FMNL2: variants seen among roughly 807,000 people sequenced by gnomAD.
The protein encoded by FMNL2 is formin-like protein 2.
In FMNL2, 51 loss-of-function variants were observed where a neutral mutation model predicts 130.2. That is an observed-to-expected ratio of 0.39 (90% CI 0.31 to 0.49). The LOEUF (loss-of-function observed/expected upper bound fraction) is 0.49. Ranked by LOEUF, FMNL2 falls within the 20% of genes least tolerant of loss-of-function variation. FMNL2 has a pLI of 0.85. For missense variants in FMNL2, 977 were observed against 1,316.2 expected (o/e 0.74, Z 3.99); for synonymous variants, 465 against 467.1 (o/e 1.00, Z 0.06).
intron 1 of FMNL2, among the ~76,000 whole-genome samples, chr2:152,470,325 G>A (rs1052807023): frequency 1.3e-5 from 2 of 152,038 alleles, no homozygotes; most frequent in Non-Finnish European, 2.9e-5. Context: ...CTTAGCACAG[G>A]GCCTGTTCTC....
In FMNL2 at chr2:152,607,470, TACACACACACACACACACACAC is replaced by T. The variant is rs3080598; in HGVS notation, c.951+73_951+94del. 5 of 617,920 alleles carry T rather than the reference TACACACACACACACACACACAC, an allele frequency of 8.1e-6. No homozygotes were observed. The Admixed American group carries it at 1.3e-4, about 16-fold the overall frequency. The allele number at this position is 617,920 out of a possible 1,614,324, so 38.3% of individuals were successfully genotyped here. ...TCAGTTTCAATACTTTTTTTCTAAA[TACACACACACACACACACACAC>T]ACACACACACACACATATTTATATT... On this transcript the variant is annotated intron_variant, in intron 10 of 25. Coordinates refer to ENST00000288670, the MANE Select transcript of FMNL2 (RefSeq NM_052905.4).
At chr2:152,645,371 C>A in intron 25 of FMNL2, 1 of 953,116 alleles carries the variant, frequency 1.0e-6, no homozygotes, top group Non-Finnish European at 1.5e-6. Flanking sequence ...AGTTGAGTTG[C>A]TTTCCATTTT....
chr2:152,521,485 T>C (rs13427489), intron 1 of FMNL2, among the ~76,000 whole-genome samples: 88,079 of 151,642 alleles, frequency 0.58, 25,829 homozygotes, highest in Non-Finnish European at 0.63. Context: ...TGTCTTTTTT[T>C]TTTTTAATTC....
chr2:152,606,199 A>G (rs1698348805), intron 9 of FMNL2, among the ~76,000 whole-genome samples: 1 of 152,264 alleles, frequency 6.6e-6, no homozygotes. Context: ...CCCTAAGATC[A>G]CAAATGGAAT....
At chr2:152,413,297 G>A (rs920144206) in intron 1 of FMNL2, among the ~76,000 whole-genome samples, 2 of 152,002 alleles carry the variant, frequency 1.3e-5, no homozygotes, top group Non-Finnish European at 2.9e-5. Flanking sequence ...TGAGGAGTAA[G>A]AATTGTGCTA....
rs979548717 is a variant in FMNL2 at position 152,542,786 on chromosome 2, C to T, written c.249C>T (p.Leu83=). 1.2e-6 allele frequency: 2 copies of T among 1,613,884 alleles called. No individual in the cohort carries two copies. The highest frequency in any genetic ancestry group is 8.5e-7 in the Non-Finnish European group (1 of 1,179,910). Reference sequence around the variant, plus strand: ...CTCCCCATACATACATTCAAAAGCTCAAAGGCTATCTGGATCCAGCTGTAA... The same window carrying T: ...CTCCCCATACATACATTCAAAAGCTTAAAGGCTATCTGGATCCAGCTGTAA... ...KNPPHTYIQK[L]KGYLDPAVTR... is the part of the protein sequence containing the mutation. The change falls in exon 3 of 26, where the codon CTC becomes CTT. Residue 83 remains leucine, a synonymous_variant. Coordinates refer to ENST00000288670, the MANE Select transcript of FMNL2 (RefSeq NM_052905.4).
At chr2:152,582,086 G>A (rs1006355324) in intron 9 of FMNL2, among the ~76,000 whole-genome samples, 12 of 152,110 alleles carry the variant, frequency 7.9e-5, no homozygotes, top group Admixed American at 2.6e-4. Flanking sequence ...TGATTTTAGC[G>A]AAATTGAAAT....
intron 8 of FMNL2, among the ~76,000 whole-genome samples, chr2:152,579,515 G>A (rs1696660370): frequency 6.6e-6 from 1 of 152,068 alleles, no homozygotes; most frequent in Non-Finnish European, 1.5e-5. Context: ...TGGCTAACAT[G>A]GTGAAACCCC....
rs1445011969 is a variant in FMNL2 at position 152,648,359 on chromosome 2, G to A, written c.*454G>A. The A allele has an allele frequency of 6.5e-6, 1 of 154,982 alleles. No individual in the cohort carries two copies. Among genetic ancestry groups the A allele is most frequent in the East Asian group, 1.9e-4 (1 of 5,214 alleles). 9.6% of individuals were successfully genotyped at this position (154,982 alleles called of 1,614,324 possible). On this transcript the variant is annotated 3_prime_UTR_variant, in exon 26 of 26. Coordinates refer to ENST00000288670, the MANE Select transcript of FMNL2 (RefSeq NM_052905.4). ...TTTGTATTTTACTTGCAATTTGGAA[G>A]AAGGAAAGTCACATGATGAAACTCC...
chr2:152,576,281 C>T (rs1696477933), intron 7 of FMNL2, among the ~76,000 whole-genome samples: 1 of 152,046 alleles, frequency 6.6e-6, no homozygotes, highest in Non-Finnish European at 1.5e-5. Flanking sequence ...GGCCCCTGTT[C>T]CACATAGGCA....
chr2:152,500,375 C>T (rs568105753), intron 1 of FMNL2, among the ~76,000 whole-genome samples: 1 of 152,312 alleles, frequency 6.6e-6, no homozygotes, highest in East Asian at 1.9e-4. Context: ...CGTGTTCTAT[C>T]TCCTCCTCCT....
intron 1 of FMNL2, among the ~76,000 whole-genome samples, chr2:152,503,477 A>T (rs1371501871): frequency 6.6e-6 from 1 of 152,218 alleles, no homozygotes; most frequent in African/African-American, 2.4e-5. Flanking sequence ...AATTCTGGAT[A>T]AACTGACTTA....
At chr2:152,420,045 T>G (rs1234255418) in intron 1 of FMNL2, among the ~76,000 whole-genome samples, 1 of 152,142 alleles carries the variant, frequency 6.6e-6, no homozygotes, top group Non-Finnish European at 1.5e-5. Context: ...ATTTAAAAAC[T>G]TGTCCCCTGC....
At chr2:152,389,413 C>G (rs987865818) in intron 1 of FMNL2, among the ~76,000 whole-genome samples, 1 of 152,188 alleles carries the variant, frequency 6.6e-6, no homozygotes, top group African/African-American at 2.4e-5. Flanking sequence ...ATGATCTAAT[C>G]ACCTCCCAAG....
chr2:152,419,051 AT>A (rs2106033780), intron 1 of FMNL2, among the ~76,000 whole-genome samples: 1 of 150,220 alleles, frequency 6.7e-6, no homozygotes, highest in East Asian at 2.0e-4. Flanking sequence ...ATTTGTACTT[AT>A]GCATAGGTTT....
chr2:152,382,476 AG>A (rs1441965788), intron 1 of FMNL2, among the ~76,000 whole-genome samples: 1 of 152,206 alleles, frequency 6.6e-6, no homozygotes, highest in Admixed American at 6.5e-5. Flanking sequence ...TGAGAAAAGC[AG>A]ATCTCAAGAA....
At chr2:152,561,856 G>T (rs1258749463) in intron 6 of FMNL2, among the ~76,000 whole-genome samples, 1 of 152,108 alleles carries the variant, frequency 6.6e-6, no homozygotes, top group Non-Finnish European at 1.5e-5. Flanking sequence ...GGGATTACAG[G>T]CATCAGCCAC....
chr2:152,470,442 A>T (rs1689794866), intron 1 of FMNL2, among the ~76,000 whole-genome samples: 1 of 152,230 alleles, frequency 6.6e-6, no homozygotes, highest in Non-Finnish European at 1.5e-5. Flanking sequence ...ACGATTTGTC[A>T]ACCGTGGCTG....
At chr2:152,410,189 C>T (rs1686205455) in intron 1 of FMNL2, among the ~76,000 whole-genome samples, 1 of 152,152 alleles carries the variant, frequency 6.6e-6, no homozygotes, top group African/African-American at 2.4e-5. Flanking sequence ...CGATATGGAG[C>T]ACAGGTTGTG....
Sources: gnomAD v4.1 joint callset for allele counts (sites outside exome capture counted in the v4.1 genomes callset) on GRCh38, gnomAD v4.1.1 for gene constraint, MANE v1.5 for transcripts, NCBI Gene and HGNC (gene_info 2026-07-23, HGNC 2026-07-21) for gene names.